Variants in NXN observed in about 807,000 individuals in gnomAD.
The protein encoded by NXN is nucleoredoxin, also known as nucleoredoxin 1.
Under a neutral mutation model 48.6 loss-of-function variants are expected in NXN, and 16 were observed. The observed-to-expected ratio is 0.33, with a 90% confidence interval of 0.22 to 0.50. The LOEUF (loss-of-function observed/expected upper bound fraction) is 0.50, where lower values mean the gene tolerates loss of function less well. NXN is among the 20% of genes least tolerant of loss of function. NXN has a pLI of 0.98. For missense variants in NXN, 492 were observed against 605.5 expected (o/e 0.81, Z 1.97); for synonymous variants, 281 against 269.6 (o/e 1.04, Z -0.41).
chr17:906,726 C>T (rs1459360874), intron 1 of NXN, among the ~76,000 whole-genome samples: 1 of 149,864 alleles, frequency 6.7e-6, no homozygotes, highest in Middle Eastern at 3.2e-3. Context: ...ACCACCACAC[C>T]CGGACAACTT....
chr17:846,432 G>GAA (rs796966259), intron 1 of NXN, among the ~76,000 whole-genome samples: 20 of 93,496 alleles, frequency 2.1e-4, no homozygotes, highest in African/African-American at 3.5e-4. Context: ...AAAAAAAAAA[G>GAA]AAAAGAAAAA....
At chr17:812,648 ATGTG>A (rs1056551605) in intron 5 of NXN, among the ~76,000 whole-genome samples, 8 of 123,400 alleles carry the variant, frequency 6.5e-5, no homozygotes, top group South Asian at 5.2e-4. Context: ...GTGAGTGTGC[ATGTG>A]TGTGACTGTA....
At chr17:894,994 C>CTTT in intron 1 of NXN, among the ~76,000 whole-genome samples, 1 of 60,822 alleles carries the variant, frequency 1.6e-5, no homozygotes, top group Non-Finnish European at 3.0e-5. Flanking sequence ...TCACCCTTTC[C>CTTT]TTTTTTTTTT....
At chr17:927,901 T>C (rs2068817562) in intron 1 of NXN, among the ~76,000 whole-genome samples, 1 of 152,086 alleles carries the variant, frequency 6.6e-6, no homozygotes, top group South Asian at 2.1e-4. Flanking sequence ...TTATACCACC[T>C]GGACTCTCAC....
intron 1 of NXN, among the ~76,000 whole-genome samples, chr17:911,996 G>A (rs1444573326): frequency 6.7e-6 from 1 of 149,870 alleles, no homozygotes; most frequent in Admixed American, 6.7e-5. Context: ...GGAGTACAGT[G>A]GCGCGATCTC....
At chr17:930,080 A>C (rs2068838553) in intron 1 of NXN, 1 of 151,988 alleles carries the variant, frequency 6.6e-6, no homozygotes, top group Non-Finnish European at 1.5e-5. Flanking sequence ...CCAGAGAACC[A>C]CCTGTGTCTG....
intron 1 of NXN, among the ~76,000 whole-genome samples, chr17:914,674 G>A (rs911424183): frequency 7.2e-5 from 11 of 152,244 alleles, no homozygotes; most frequent in African/African-American, 2.4e-4. Context: ...GCAGAGACTC[G>A]CTTCTGACCT....
At chr17:829,201 G>C (rs1346396573) in intron 1 of NXN, among the ~76,000 whole-genome samples, 1 of 151,662 alleles carries the variant, frequency 6.6e-6, no homozygotes, top group Non-Finnish European at 1.5e-5. Context: ...CTGTTGCCCA[G>C]GCTGGAGTAC....
intron 1 of NXN, among the ~76,000 whole-genome samples, chr17:945,579 C>T (rs915474414): frequency 4.2e-4 from 61 of 146,516 alleles, no homozygotes; most frequent in Admixed American, 2.8e-3. Flanking sequence ...TGCCGTGAGC[C>T]GAGATCGTGC....
chr17:869,101 C>T (rs986521099), intron 1 of NXN, among the ~76,000 whole-genome samples: 22 of 152,190 alleles, frequency 1.4e-4, no homozygotes, highest in African/African-American at 4.8e-4. Context: ...ACCCTCCACA[C>T]AGATGAACCT....
rs1008759040 is a variant in NXN, at chr17:830,219, G to A, written c.361-4141C>T. Among the ~76,000 whole-genome samples, 3 of 152,154 alleles carry A rather than the reference G, an allele frequency of 2.0e-5. No homozygotes were observed. Among genetic ancestry groups the A allele is most frequent in the Non-Finnish European group, 4.4e-5 (3 of 68,028 alleles). On this transcript the variant is annotated intron_variant, in intron 1 of 7. Coordinates refer to ENST00000336868, the MANE Select transcript of NXN (RefSeq NM_022463.5). This position sits in a 1 kb window ranked among gnomAD's most constrained non-coding sequence, Gnocchi z 4.2. Reference sequence around the variant, plus strand: ...GTGATTCAGCAGATATTAAGTGAGCGCCCACTGTGTGCCAGGCTCGTTCTA... The same window carrying A: ...GTGATTCAGCAGATATTAAGTGAGCACCCACTGTGTGCCAGGCTCGTTCTA...
At chr17:972,166 G>T (rs1049102571) in intron 1 of NXN, among the ~76,000 whole-genome samples, 1 of 152,114 alleles carries the variant, frequency 6.6e-6, no homozygotes, top group East Asian at 1.9e-4. Context: ...CGGGCGTGGT[G>T]GCACATGCGC....
chr17:928,715 A>C (rs2068825118), intron 1 of NXN, among the ~76,000 whole-genome samples: 1 of 152,152 alleles, frequency 6.6e-6, no homozygotes, highest in Non-Finnish European at 1.5e-5. Context: ...GGGCACCTGT[A>C]ATCCCAGCTA....
chr17:855,720 G>GA (rs764582491), intron 1 of NXN, among the ~76,000 whole-genome samples: 4 of 152,230 alleles, frequency 2.6e-5, no homozygotes, highest in South Asian at 2.1e-4. Context: ...AAGTTTAGGG[G>GA]AAAAAATCAT....
At chr17:824,652 G>A (rs1443150962) in intron 2 of NXN, among the ~76,000 whole-genome samples, 1 of 152,184 alleles carries the variant, frequency 6.6e-6, no homozygotes, top group Non-Finnish European at 1.5e-5. Flanking sequence ...CTCTTGATGG[G>A]CTCAGGGAGC....
intron 1 of NXN, among the ~76,000 whole-genome samples, chr17:872,739 A>G (rs948510659): frequency 7.4e-5 from 11 of 147,764 alleles, no homozygotes; most frequent in African/African-American, 2.8e-4. Context: ...TCCTGCCTCA[A>G]CCTCCCAAGT....
intron 1 of NXN, among the ~76,000 whole-genome samples, chr17:903,340 G>C (rs978912140): frequency 3.3e-5 from 5 of 151,300 alleles, no homozygotes; most frequent in African/African-American, 9.7e-5. Flanking sequence ...CAAGTAGCTG[G>C]GATTACAGGC....
At chr17:833,720 A>C (rs11872025) in intron 1 of NXN, among the ~76,000 whole-genome samples, 1 of 151,916 alleles carries the variant, frequency 6.6e-6, no homozygotes, top group Non-Finnish European at 1.5e-5. Context: ...ACAGACCCCA[A>C]ATGAAGACCT....
At chr17:939,513 T>G (rs1190651128) in intron 1 of NXN, among the ~76,000 whole-genome samples, 2 of 152,016 alleles carry the variant, frequency 1.3e-5, no homozygotes, top group Non-Finnish European at 2.9e-5. Context: ...GCCTAATTAA[T>G]TCCTATATTT....
Sources: gnomAD v4.1 joint callset for allele counts (sites outside exome capture counted in the v4.1 genomes callset) on GRCh38, gnomAD v4.1.1 for gene constraint, Gnocchi (gnomAD v3.1) non-coding constraint, MANE v1.5 for transcripts, NCBI Gene and HGNC (gene_info 2026-07-23, HGNC 2026-07-21) for gene names.